Variants in NALCN observed in about 807,000 individuals in gnomAD.
The protein encoded by NALCN is sodium leak channel, non-selective, also known as sodium leak channel NALCN.
In NALCN, 111 loss-of-function variants were observed where a neutral mutation model predicts 225.3. The observed-to-expected ratio is 0.49, with a 90% CI of 0.42 to 0.58. The LOEUF is 0.58. Ranked by LOEUF, NALCN falls within the 20% of genes least tolerant of loss-of-function variation. The probability of loss-of-function intolerance (pLI) is 0.00; values close to 1 mark genes in which losing one functional copy is unlikely to be tolerated. For missense variants in NALCN, 1,378 were observed against 2,202.4 expected, an observed-to-expected ratio of 0.63 and a Z score of 7.49; for synonymous variants, 764 against 769.0, an observed-to-expected ratio of 0.99 and a Z score of 0.11.
chr13:101,325,038 A>T (rs1432149761), intron 7 of NALCN, among the ~76,000 whole-genome samples: 1 of 152,102 alleles, frequency 6.6e-6, no homozygotes, highest in Non-Finnish European at 1.5e-5. Flanking sequence ...AAACTTCTGG[A>T]CAAGCTGGTT....
At chr13:101,122,252 A>T (rs1304598959) in intron 18 of NALCN, among the ~76,000 whole-genome samples, 3 of 152,236 alleles carry the variant, frequency 2.0e-5, no homozygotes, top group Non-Finnish European at 4.4e-5. Flanking sequence ...TTCGCACAGA[A>T]GAAAAAACAA....
intron 6 of NALCN, 76 bp downstream of exon 6, chr13:101,376,624 A>G: frequency 6.8e-7 from 1 of 1,477,082 alleles, no homozygotes; most frequent in Non-Finnish European, 9.1e-7. Flanking sequence ...TCTGACATAG[A>G]GGTTATTCTT....
intron 43 of NALCN, 135 bp downstream of exon 43, chr13:101,057,804 T>C: frequency 1.3e-6 from 1 of 763,348 alleles, no homozygotes; most frequent in Non-Finnish European, 2.3e-6. Context: ...CAAGACTACA[T>C]TTTTCATTAT....
intron 11 of NALCN, among the ~76,000 whole-genome samples, chr13:101,239,162 C>T (rs1471307080): frequency 1.3e-5 from 2 of 151,838 alleles, no homozygotes; most frequent in Admixed American, 6.6e-5. Flanking sequence ...CTTCTTCATC[C>T]ACACATATGC....
Position 101,292,217 on chromosome 13 carries a change from G to A in NALCN, c.942+7C>T, listed in dbSNP as rs781262654. On this transcript the variant is annotated splice_region_variant and intron_variant, in intron 8 of 43. Coordinates refer to ENST00000251127, the MANE Select transcript of NALCN (RefSeq NM_052867.4). The surrounding 1 kb of genome is among the most constrained non-coding windows in gnomAD (Gnocchi z 4.3). ...ATAGACTTTCTTAGTACAATTCTTC[G>A]CAGTACCTTCACAAGCCAGGCGAGG... 7.6e-5 allele frequency: 122 copies of A among 1,613,682 alleles called. No individual in the cohort carries two copies. The highest frequency in any genetic ancestry group is 1.6e-4 in the Middle Eastern group (1 of 6,084).
At chr13:101,146,313 C>T (rs772250234) in intron 15 of NALCN, among the ~76,000 whole-genome samples, 1 of 152,184 alleles carries the variant, frequency 6.6e-6, no homozygotes, top group East Asian at 1.9e-4. Flanking sequence ...CACTGCTGTT[C>T]GTTGCCTTCC....
chr13:101,217,265 A>C (rs1319232383), intron 13 of NALCN, among the ~76,000 whole-genome samples: 2 of 152,192 alleles, frequency 1.3e-5, no homozygotes, highest in Non-Finnish European at 2.9e-5. Flanking sequence ...TGCTTATGGC[A>C]ATCTGTCTTA....
chr13:101,062,159 C>T, intron 40 of NALCN, 41 bp from the exon 41 acceptor site: 1 of 1,606,620 alleles, frequency 6.2e-7, no homozygotes. Flanking sequence ...CTCTGATTCA[C>T]CTGAGATTTA....
At chr13:101,312,820 G>A (rs549511092) in intron 7 of NALCN, among the ~76,000 whole-genome samples, 15 of 152,092 alleles carry the variant, frequency 9.9e-5, no homozygotes, top group African/African-American at 3.6e-4. Flanking sequence ...TCACAGAACT[G>A]GAAAAAACTA....
At chr13:101,276,062 CAAAAAAAAAAAAAAAAA>C (rs59471123) in intron 10 of NALCN, among the ~76,000 whole-genome samples, 35,249 of 88,086 alleles carry the variant, frequency 0.4, 5,758 homozygotes, top group South Asian at 0.51. Flanking sequence ...GACTCCTTCT[CAAAAAAAAAAAAAAAAA>C]AAAAAAAAAA....
Position 101,197,115 on chromosome 13 carries a change from G to A in NALCN, c.1627-5061C>T, listed in dbSNP as rs151337656. ...TCTGGAACAAGTGGCTTCTATACAT[G>A]AGTGGTTCTTATCACTTTCCAGGGC... On this transcript the variant is annotated intron_variant, in intron 13 of 43. Transcript: ENST00000251127. Among the ~76,000 whole-genome samples, 795 of 152,266 alleles carry A rather than the reference G, an allele frequency of 5.2e-3. 21 individuals carry two copies. Among genetic ancestry groups the A allele is most frequent in the Admixed American group, 0.047 (724 of 15,288 alleles).
intron 11 of NALCN, among the ~76,000 whole-genome samples, chr13:101,246,351 A>G (rs563765475): frequency 2.6e-5 from 4 of 152,334 alleles, no homozygotes; most frequent in African/African-American, 9.6e-5. Context: ...TATCATGAGA[A>G]AAAAATGCAT....
chr13:101,205,460 C>T (rs1262173061), intron 13 of NALCN, among the ~76,000 whole-genome samples: 1 of 151,988 alleles, frequency 6.6e-6, no homozygotes, highest in Non-Finnish European at 1.5e-5. Context: ...TCAAGATCAA[C>T]TGAATGAACT....
chr13:101,216,671 A>C (rs2040746280), intron 13 of NALCN, among the ~76,000 whole-genome samples: 1 of 152,156 alleles, frequency 6.6e-6, no homozygotes, highest in Non-Finnish European at 1.5e-5. Context: ...CTCTCACTAC[A>C]TCTGACAAAT....
chr13:101,266,562 A>T (rs1414841560), intron 10 of NALCN, among the ~76,000 whole-genome samples: 1 of 152,224 alleles, frequency 6.6e-6, no homozygotes, highest in Non-Finnish European at 1.5e-5. Flanking sequence ...CTGTCTTTAA[A>T]TTGCTGCTTG....
intron 10 of NALCN, among the ~76,000 whole-genome samples, chr13:101,274,518 A>C (rs2042910854): frequency 6.6e-6 from 1 of 152,212 alleles, no homozygotes; most frequent in South Asian, 2.1e-4. Context: ...ATAATTTAAT[A>C]CCTAATAAAA....
chr13:101,110,629 A>G lies in NALCN; in HGVS notation c.2354T>C (p.Leu785Ser). The G allele has an allele frequency of 1.9e-6, 3 of 1,614,006 alleles. No individual in the cohort carries two copies. The highest frequency in any genetic ancestry group is 2.5e-6 in the Non-Finnish European group (3 of 1,179,918). The change falls in exon 20 of 44, where the codon TTG becomes TCG. Residue 785 changes from leucine (L) to serine (S), a missense_variant. Transcript: ENST00000251127. ...TTGCTTAAAACTTACATCTTGAGTC[A>G]AAGTTTCAAGAGATTTTCCCCTGCT... ...RISRGKSLET[L>S]TQDHSNTVRY...
chr13:101,238,024 A>G, intron 11 of NALCN, 102 bp from the exon 12 acceptor site: 1 of 942,078 alleles, frequency 1.1e-6, no homozygotes, highest in Non-Finnish European at 1.6e-6. Context: ...ACTATCATAT[A>G]CACTAAGGTG....
At chr13:101,081,498 G>C (rs757527256) in intron 34 of NALCN, 29 bp downstream of exon 34, 1 of 1,613,466 alleles carries the variant, frequency 6.2e-7, no homozygotes, top group East Asian at 2.2e-5. Context: ...GAAATAATCA[G>C]CTGAAATCAA....
Sources: gnomAD v4.1 joint callset for allele counts (sites outside exome capture counted in the v4.1 genomes callset) on GRCh38, gnomAD v4.1.1 for gene constraint, Gnocchi (gnomAD v3.1) non-coding constraint, MANE v1.5 for transcripts, NCBI Gene and HGNC (gene_info 2026-07-23, HGNC 2026-07-21) for gene names.